The following AATF variants were observed in gnomAD, a reference collection of about 807,000 sequenced individuals.
AATF encodes the protein apoptosis antagonizing transcription factor, also known as protein AATF.
AATF carries 48 observed loss-of-function variants against 63.7 expected under a neutral mutation model. The ratio of observed to expected loss-of-function variants is 0.75; its 90% confidence interval spans 0.60 to 0.96. AATF has a LOEUF of 0.96. Among genes scored for constraint, AATF ranks in the 40% least tolerant of loss-of-function variants. The pLI, the probability that AATF is intolerant of heterozygous loss-of-function variation, is 0.00. For missense variants in AATF, 639 were observed against 685.7 expected (o/e 0.93, Z 0.76); for synonymous variants, 258 against 247.7 (o/e 1.04, Z -0.39).
intron 4 of AATF, among the ~76,000 whole-genome samples, chr17:36,985,099 G>A (rs907474610): frequency 1.3e-5 from 2 of 151,844 alleles, no homozygotes; most frequent in African/African-American, 2.4e-5. Flanking sequence ...ACGGGGTTTC[G>A]CCATGTTGGC....
intron 11 of AATF, among the ~76,000 whole-genome samples, chr17:37,037,712 A>T (rs188303647): frequency 1.6e-4 from 25 of 152,352 alleles, no homozygotes; most frequent in South Asian, 6.2e-4. Context: ...GGATGCTGAT[A>T]CGGTTTGGAT....
intron 4 of AATF, among the ~76,000 whole-genome samples, chr17:36,960,087 C>T (rs957395370): frequency 1.4e-4 from 21 of 151,846 alleles, no homozygotes; most frequent in African/African-American, 4.8e-4. Flanking sequence ...GACCTTGGCT[C>T]ACTGCAACCT....
chr17:37,051,766 A>G (rs1286309067), intron 11 of AATF, among the ~76,000 whole-genome samples: 1 of 151,690 alleles, frequency 6.6e-6, no homozygotes, highest in East Asian at 1.9e-4. Flanking sequence ...CGGCTAATCC[A>G]TGATCATTTT....
intron 11 of AATF, among the ~76,000 whole-genome samples, chr17:37,039,860 C>G (rs1301443709): frequency 6.6e-6 from 1 of 152,146 alleles, no homozygotes; most frequent in Non-Finnish European, 1.5e-5. Flanking sequence ...CAAAATGAAG[C>G]CTTGGCTCCA....
chr17:36,989,672 A>T (rs1458593095), intron 7 of AATF, among the ~76,000 whole-genome samples: 1 of 152,194 alleles, frequency 6.6e-6, no homozygotes, highest in African/African-American at 2.4e-5. Context: ...AAGCATTCAT[A>T]ATCCAATTTT....
chr17:36,982,031 C>T (rs1227718886), intron 4 of AATF, among the ~76,000 whole-genome samples: 1 of 152,110 alleles, frequency 6.6e-6, no homozygotes, highest in Non-Finnish European at 1.5e-5. Context: ...CCCCTGGTAG[C>T]CACCATTCTG....
rs1054151090 is a variant in AATF at position 36,949,007 on chromosome 17, C to G, written c.-119C>G. On this transcript the variant is annotated 5_prime_UTR_variant, in exon 1 of 12. Transcript: ENST00000619387. ...CTGTGGGGTGGCCTCCGCGCGGTCT[C>G]TGGCGGAGTCGGGGAATCGGATCAA... The G allele has an allele frequency of 3.3e-5, 33 of 1,002,876 alleles. No homozygotes were observed. In the African/African-American group the frequency reaches 4.1e-4, roughly 12 times the overall value. The allele number at this position is 1,002,876 out of a possible 1,614,324, so 62.1% of individuals were successfully genotyped here.
chr17:37,009,873 C>G (rs1346198357), intron 8 of AATF, among the ~76,000 whole-genome samples: 1 of 142,724 alleles, frequency 7.0e-6, no homozygotes, highest in African/African-American at 2.7e-5. Context: ...GTTGAATAGA[C>G]CAGTCTATGT....
chr17:37,030,814 C>G (rs1404460222), intron 10 of AATF, among the ~76,000 whole-genome samples: 1 of 152,088 alleles, frequency 6.6e-6, no homozygotes, highest in Non-Finnish European at 1.5e-5. Context: ...TGAGGTGTTG[C>G]ATTCAGATAC....
chr17:37,047,134 G>A (rs1037663458), intron 11 of AATF, among the ~76,000 whole-genome samples: 5 of 152,096 alleles, frequency 3.3e-5, no homozygotes, highest in African/African-American at 1.2e-4. Flanking sequence ...ATGATTTGTC[G>A]TCTTTCCTTT....
chr17:36,958,308 G>A (rs771711451), intron 4 of AATF, among the ~76,000 whole-genome samples: 4 of 151,904 alleles, frequency 2.6e-5, no homozygotes, highest in Non-Finnish European at 5.9e-5. Flanking sequence ...GACTACAGGC[G>A]CATGCCACCA....
chr17:37,046,228 A>G (rs1463920328), intron 11 of AATF, among the ~76,000 whole-genome samples: 1 of 152,048 alleles, frequency 6.6e-6, no homozygotes, highest in Admixed American at 6.5e-5. Context: ...GCAAGGCAGG[A>G]GATGAGTTTA....
intron 4 of AATF, 47 bp downstream of exon 4, chr17:36,953,954 A>G: frequency 1.9e-6 from 3 of 1,588,048 alleles, no homozygotes; most frequent in Non-Finnish European, 2.6e-6. Flanking sequence ...CACTTTGTCA[A>G]ATGAAGACAG....
At chr17:37,054,015 G>A (rs944089257) in intron 11 of AATF, among the ~76,000 whole-genome samples, 4 of 152,140 alleles carry the variant, frequency 2.6e-5, no homozygotes, top group African/African-American at 4.8e-5. Context: ...TGTGAAAAAC[G>A]TTATAAAAAT....
intron 4 of AATF, among the ~76,000 whole-genome samples, chr17:36,974,068 C>CAA (rs71159673): frequency 0.021 from 2,589 of 121,764 alleles, 87 homozygotes; most frequent in African/African-American, 0.068. Context: ...GAGTCCATCT[C>CAA]AAAAAAAAAA....
At chr17:36,974,481 T>G (rs2071064905) in intron 4 of AATF, among the ~76,000 whole-genome samples, 1 of 152,216 alleles carries the variant, frequency 6.6e-6, no homozygotes, top group Non-Finnish European at 1.5e-5. Flanking sequence ...ATACTTACTT[T>G]GTTGCATAAA....
At chr17:36,988,941 T>C (rs2071191502) in intron 6 of AATF, among the ~76,000 whole-genome samples, 1 of 152,228 alleles carries the variant, frequency 6.6e-6, no homozygotes, top group African/African-American at 2.4e-5. Flanking sequence ...TTCTTAAAAT[T>C]GAGGCCTTGT....
intron 11 of AATF, chr17:37,055,664 G>A (rs1408225262): frequency 6.6e-6 from 1 of 152,258 alleles, no homozygotes; most frequent in Non-Finnish European, 1.5e-5. Flanking sequence ...CTGTCTCTGT[G>A]AGGGCTACCG....
intron 2 of AATF, 97 bp from the exon 3 acceptor site, chr17:36,952,789 C>G: frequency 6.7e-7 from 1 of 1,494,340 alleles, no homozygotes; most frequent in East Asian, 2.3e-5. Flanking sequence ...AGATTTTCCC[C>G]CTGATGCCAC....
Sources: allele counts gnomAD v4.1 joint callset (sites outside exome capture counted in the v4.1 genomes callset), GRCh38; gene constraint gnomAD v4.1.1; transcripts MANE v1.5; gene names NCBI Gene and HGNC (gene_info 2026-07-23, HGNC 2026-07-21).